The following HS6ST3 variants were observed in gnomAD, a reference collection of about 807,000 sequenced individuals.
HS6ST3 encodes heparan sulfate 6-O-sulfotransferase 3.
Under a neutral mutation model 36.7 loss-of-function variants are expected in HS6ST3, and 12 were observed. The ratio of observed to expected loss-of-function variants is 0.33; its 90% CI spans 0.21 to 0.53. HS6ST3 has a LOEUF of 0.53. HS6ST3 is among the 20% of genes least tolerant of loss of function. The probability of loss-of-function intolerance (pLI) is 0.95; values close to 1 mark genes in which losing one functional copy is unlikely to be tolerated. For synonymous variants in HS6ST3, 240 were observed against 257.5 expected (o/e 0.93, Z 0.65); for missense variants, 584 against 640.9 (o/e 0.91, Z 0.96).
At chr13:96,249,237 T>C (rs1265495828) in intron 1 of HS6ST3, among the ~76,000 whole-genome samples, 1 of 152,164 alleles carries the variant, frequency 6.6e-6, no homozygotes, top group Non-Finnish European at 1.5e-5. Flanking sequence ...TATAACATAG[T>C]AGGGAGGAAA....
chr13:96,674,581 C>T (rs559318597), intron 1 of HS6ST3, among the ~76,000 whole-genome samples: 14 of 152,200 alleles, frequency 9.2e-5, no homozygotes, highest in Admixed American at 4.6e-4. Flanking sequence ...ACTCTCACAT[C>T]GTCCCTCTAT....
chr13:96,779,111 T>G (rs1472764835), intron 1 of HS6ST3, among the ~76,000 whole-genome samples: 1 of 151,354 alleles, frequency 6.6e-6, no homozygotes, highest in Non-Finnish European at 1.5e-5. Context: ...TAAGTGGGAG[T>G]TGAGTGATGA....
chr13:96,317,018 A>G (rs2054973407), intron 1 of HS6ST3, among the ~76,000 whole-genome samples: 1 of 152,018 alleles, frequency 6.6e-6, no homozygotes, highest in Admixed American at 6.6e-5. Flanking sequence ...TTTATTTTAG[A>G]TACAGAGGGT....
intron 1 of HS6ST3, among the ~76,000 whole-genome samples, chr13:96,272,893 G>T (rs1050353422): frequency 1.4e-4 from 22 of 151,932 alleles, no homozygotes; most frequent in African/African-American, 4.4e-4. Flanking sequence ...AATACTAAGT[G>T]CGTGAAGCTT....
At chr13:96,713,777 T>G (rs1009125424) in intron 1 of HS6ST3, among the ~76,000 whole-genome samples, 2 of 152,190 alleles carry the variant, frequency 1.3e-5, no homozygotes, top group African/African-American at 4.8e-5. Flanking sequence ...TTTTCCATTT[T>G]TATTAGTTTT....
chr13:96,602,034 T>C (rs772167092), intron 1 of HS6ST3, among the ~76,000 whole-genome samples: 20 of 152,050 alleles, frequency 1.3e-4, no homozygotes, highest in Non-Finnish European at 2.4e-4. Context: ...AGTTTTAAAT[T>C]TTTTCCTAGT....
At chr13:96,440,798 T>TA (rs962440727) in intron 1 of HS6ST3, among the ~76,000 whole-genome samples, 159 of 151,924 alleles carry the variant, frequency 1.0e-3, no homozygotes, top group African/African-American at 3.7e-3. Context: ...CTTGAGACTA[T>TA]AAAAAAAATG....
chr13:96,240,536 T>G (rs1242321632), intron 1 of HS6ST3, among the ~76,000 whole-genome samples: 1 of 152,156 alleles, frequency 6.6e-6, no homozygotes, highest in African/African-American at 2.4e-5. Flanking sequence ...ACTAAGCCTT[T>G]TATTTAAGTA....
intron 1 of HS6ST3, among the ~76,000 whole-genome samples, chr13:96,135,014 G>A (rs531500736): frequency 5.3e-5 from 8 of 152,214 alleles, no homozygotes; most frequent in South Asian, 2.1e-4. Context: ...TCAGCACTGC[G>A]CCACATTACT....
chr13:96,539,813 G>GGCTT (rs1466085751), intron 1 of HS6ST3, among the ~76,000 whole-genome samples: 1 of 152,174 alleles, frequency 6.6e-6, no homozygotes. Flanking sequence ...AAGCCACGGT[G>GGCTT]GCTTCCTTTT....
At chr13:96,524,539 T>G (rs1387978560) in intron 1 of HS6ST3, among the ~76,000 whole-genome samples, 1 of 152,214 alleles carries the variant, frequency 6.6e-6, no homozygotes, top group Non-Finnish European at 1.5e-5. Flanking sequence ...TCCCTGCAGC[T>G]TTGTTACACT....
intron 1 of HS6ST3, among the ~76,000 whole-genome samples, chr13:96,780,041 A>G (rs545715142): frequency 2.0e-4 from 30 of 152,200 alleles, no homozygotes; most frequent in Non-Finnish European, 4.0e-4. Flanking sequence ...AGCAGAGGGC[A>G]TGGAGGAGAT....
At chr13:96,376,429 G>A (rs1047431898) in intron 1 of HS6ST3, among the ~76,000 whole-genome samples, 1 of 152,092 alleles carries the variant, frequency 6.6e-6, no homozygotes, top group Admixed American at 6.6e-5. Context: ...ATTCAATCCG[G>A]ACCTAAGTTT....
chr13:96,234,340 A>G (rs1228856763), intron 1 of HS6ST3, among the ~76,000 whole-genome samples: 5 of 152,054 alleles, frequency 3.3e-5, no homozygotes, highest in African/African-American at 1.2e-4. Flanking sequence ...AACCCAGGAG[A>G]CGGAGGCTGC....
At chr13:96,596,567 A>C (rs1382463350) in intron 1 of HS6ST3, among the ~76,000 whole-genome samples, 2 of 152,132 alleles carry the variant, frequency 1.3e-5, no homozygotes. Flanking sequence ...GTACTAATTT[A>C]TGTCACCAGC....
At chr13:96,636,122 T>A (rs557182796) in intron 1 of HS6ST3, among the ~76,000 whole-genome samples, 1 of 152,262 alleles carries the variant, frequency 6.6e-6, no homozygotes, top group South Asian at 2.1e-4. Flanking sequence ...GCCATTTCTT[T>A]CATCTGGCTT....
At chr13:96,108,415 C>T (rs1205065290) in intron 1 of HS6ST3, among the ~76,000 whole-genome samples, 1 of 152,156 alleles carries the variant, frequency 6.6e-6, no homozygotes, top group Non-Finnish European at 1.5e-5. Context: ...CTAGTTTTGC[C>T]CTGGCCTTGT....
intron 1 of HS6ST3, among the ~76,000 whole-genome samples, chr13:96,099,456 C>T (rs1029123203): frequency 9.9e-5 from 15 of 151,498 alleles, no homozygotes; most frequent in Non-Finnish European, 2.1e-4. Flanking sequence ...CAGTCTTTTT[C>T]CCCCCCAGCA....
intron 1 of HS6ST3, among the ~76,000 whole-genome samples, chr13:96,716,892 G>A (rs1189096509): frequency 6.6e-6 from 1 of 152,164 alleles, no homozygotes; most frequent in Non-Finnish European, 1.5e-5. Flanking sequence ...AGGTAAGTGG[G>A]CCAAGTGTAA....
Sources: gnomAD v4.1 joint callset for allele counts (sites outside exome capture counted in the v4.1 genomes callset) on GRCh38, gnomAD v4.1.1 for gene constraint, MANE v1.5 for transcripts, NCBI Gene and HGNC (gene_info 2026-07-23, HGNC 2026-07-21) for gene names.